The following LDHC variants were observed in gnomAD, a reference collection of about 807,000 sequenced individuals.
The protein encoded by LDHC is L-lactate dehydrogenase C chain.
A neutral mutation model predicts 30.2 loss-of-function variants in LDHC; 20 were observed. The ratio of observed to expected loss-of-function variants is 0.66; its 90% CI spans 0.47 to 0.96. The LOEUF is 0.96. Among genes scored for constraint, LDHC ranks in the 40% least tolerant of loss-of-function variants. LDHC has a pLI of 0.00. For missense variants in LDHC, 362 were observed against 394.9 expected (o/e 0.92, Z 0.71); for synonymous variants, 139 against 132.7 (o/e 1.05, Z -0.32).
At chr11:18,450,219 G>A in intron 7 of LDHC, 1 of 155,112 alleles carries the variant, frequency 6.4e-6, no homozygotes, top group South Asian at 2.1e-4. Context: ...TCTGGCAGCT[G>A]CTTCTCGGCC....
chr11:18,412,581 A>G, intron 1 of LDHC, 128 bp from the exon 2 acceptor site: 1 of 827,608 alleles, frequency 1.2e-6, no homozygotes, highest in Non-Finnish European at 1.9e-6. Flanking sequence ...CCCTCCCCGC[A>G]TCCTTTGACC....
At chr11:18,428,876 G>GAA (rs35689913) in intron 3 of LDHC, among the ~76,000 whole-genome samples, 36 of 135,546 alleles carry the variant, frequency 2.7e-4, no homozygotes, top group African/African-American at 9.0e-4. Context: ...CACTATCTCA[G>GAA]AAAAAAAAAA....
intron 3 of LDHC, among the ~76,000 whole-genome samples, chr11:18,426,935 C>T (rs184420570): frequency 1.8e-4 from 27 of 152,106 alleles, no homozygotes; most frequent in East Asian, 5.8e-4. Flanking sequence ...AATTGGTATT[C>T]GAAGAAGTAC....
In LDHC at chr11:18,451,071, C is replaced by T. The variant is rs763069709; in HGVS notation, c.943C>T (p.Leu315Phe). The T allele has an allele frequency of 6.3e-7, 1 of 1,585,670 alleles. No homozygotes were observed. Among genetic ancestry groups the T allele is most frequent in the South Asian group, 1.2e-5 (1 of 85,162 alleles). The change falls in exon 8 of 8, where the codon CTT becomes TTT. Residue 315 changes from leucine (L) to phenylalanine (F), a missense_variant. Transcript: ENST00000541669. ...KINLNSEEEA[L>F]FKKSAETLWN... ...TAACTTGAATTCTGAGGAGGAGGCC[C>T]TTTTCAAGAAGAGTGCAGAAACACT...
intron 5 of LDHC, among the ~76,000 whole-genome samples, chr11:18,437,668 C>T (rs545148180): frequency 4.6e-5 from 7 of 150,642 alleles, no homozygotes; most frequent in Non-Finnish European, 7.4e-5. Flanking sequence ...GGGAGAATGG[C>T]GTGAACCCGG....
chr11:18,415,310 T>C lies in LDHC; in HGVS notation c.244+9T>C, dbSNP rs778767940. On this transcript the variant is annotated intron_variant, in intron 3 of 7. Coordinates refer to ENST00000541669, the MANE Select transcript of LDHC (RefSeq NM_017448.5). Reference sequence around the variant, plus strand: ...GATTACTTCTGGAAAAGGTTAATTTTAGTTTTATAAAGTTATTTTCAAAGC... The same window carrying C: ...GATTACTTCTGGAAAAGGTTAATTTCAGTTTTATAAAGTTATTTTCAAAGC... 1 of 1,374,202 alleles carries C rather than the reference T, an allele frequency of 7.3e-7. No homozygotes were observed. The highest frequency in any genetic ancestry group is 1.2e-5 in the South Asian group (1 of 81,038). The allele number at this position is 1,374,202 out of a possible 1,614,324, so 85.1% of individuals were successfully genotyped here.
intron 3 of LDHC, among the ~76,000 whole-genome samples, chr11:18,423,332 T>C (rs980585071): frequency 2.6e-5 from 4 of 152,180 alleles, no homozygotes; most frequent in African/African-American, 9.7e-5. Context: ...ACCCCGCAGG[T>C]TTTGTTATTA....
At chr11:18,439,683 A>T (rs2133840631) in intron 6 of LDHC, among the ~76,000 whole-genome samples, 1 of 150,422 alleles carries the variant, frequency 6.6e-6, no homozygotes, top group African/African-American at 2.4e-5. Flanking sequence ...CCCTACAAAA[A>T]TGTGTAAGAG....
chr11:18,429,917 CTT>C lies in LDHC; in HGVS notation c.418+8_418+9del. The C allele has an allele frequency of 6.4e-7, 1 of 1,553,862 alleles. No homozygotes were observed. The highest frequency in any genetic ancestry group is 8.9e-7 in the Non-Finnish European group (1 of 1,127,706). ...CTTGTTGTTTCAAATCCAGGTGAGT[CTT>C]CTCTCTTCCATTCTATTGCATAAGG... On this transcript the variant is annotated splice_region_variant and intron_variant, in intron 4 of 7. Transcript: ENST00000541669.
chr11:18,437,896 C>G (rs1283687618), intron 5 of LDHC, among the ~76,000 whole-genome samples: 1 of 151,730 alleles, frequency 6.6e-6, no homozygotes, highest in Non-Finnish European at 1.5e-5. Flanking sequence ...GAAACCCCAT[C>G]TCTACTAAAA....
rs146488310 is a variant in LDHC at position 18,444,462 on chromosome 11, G to A, written c.711-1748G>A. On this transcript the variant is annotated intron_variant, in intron 6 of 7. Coordinates refer to ENST00000541669, the MANE Select transcript of LDHC (RefSeq NM_017448.5). The stretch of plus-strand genomic sequence containing the variant: ...TTTACTTACCCCCGGAGTCTTGGCC[G>A]TACAGAATTGAGGGTCTAAAAGTAC... Among the ~76,000 whole-genome samples, 490 of 151,574 alleles carry A rather than the reference G, an allele frequency of 3.2e-3. 5 individuals are homozygous for A. The highest frequency in any genetic ancestry group is 0.011 in the African/African-American group (463 of 41,364).
intron 7 of LDHC, 40 bp downstream of exon 7, chr11:18,446,373 T>TAA: frequency 7.1e-7 from 1 of 1,410,910 alleles, no homozygotes; most frequent in Admixed American, 1.7e-5. Flanking sequence ...TTCTTTCCTT[T>TAA]AATATTTATT....
intron 7 of LDHC, among the ~76,000 whole-genome samples, chr11:18,449,896 A>C (rs564198374): frequency 6.6e-6 from 1 of 152,230 alleles, no homozygotes; most frequent in East Asian, 1.9e-4. Flanking sequence ...TCTTCCTTCA[A>C]CGCCATTCCT....
intron 5 of LDHC, among the ~76,000 whole-genome samples, chr11:18,437,600 A>G (rs1848377206): frequency 6.6e-6 from 1 of 152,048 alleles, no homozygotes; most frequent in South Asian, 2.1e-4. Context: ...AAAATACAAA[A>G]AATTAGCCAG....
chr11:18,425,769 C>T (rs1212704646), intron 3 of LDHC, among the ~76,000 whole-genome samples: 6 of 151,428 alleles, frequency 4.0e-5, no homozygotes, highest in African/African-American at 1.5e-4. Flanking sequence ...GAAACCCCTT[C>T]TCTACTAAAA....
intron 3 of LDHC, among the ~76,000 whole-genome samples, chr11:18,429,026 C>T (rs1848215642): frequency 6.6e-6 from 1 of 151,466 alleles, no homozygotes; most frequent in South Asian, 2.1e-4. Flanking sequence ...AACCCAGTCC[C>T]TTACAATATT....
intron 7 of LDHC, among the ~76,000 whole-genome samples, chr11:18,449,252 C>T (rs943578508): frequency 6.6e-6 from 1 of 151,402 alleles, no homozygotes; most frequent in Non-Finnish European, 1.5e-5. Context: ...ACCTGGGCAA[C>T]ATAACAAGAC....
At chr11:18,423,714 A>C (rs1848107901) in intron 3 of LDHC, among the ~76,000 whole-genome samples, 1 of 152,232 alleles carries the variant, frequency 6.6e-6, no homozygotes, top group Non-Finnish European at 1.5e-5. Flanking sequence ...ATACAAAGTT[A>C]AGAGTGTTCA....
chr11:18,443,343 C>G (rs1015097501), intron 6 of LDHC, among the ~76,000 whole-genome samples: 1 of 152,116 alleles, frequency 6.6e-6, no homozygotes, highest in African/African-American at 2.4e-5. Flanking sequence ...TAGCGGTTTC[C>G]AAGTGTTATG....
Sources: allele counts gnomAD v4.1 joint callset (sites outside exome capture counted in the v4.1 genomes callset), GRCh38; gene constraint gnomAD v4.1.1; transcripts MANE v1.5; gene names NCBI Gene and HGNC (gene_info 2026-07-23, HGNC 2026-07-21).